Variants in ARHGAP25 observed in about 807,000 individuals in gnomAD.
The protein encoded by ARHGAP25 is rho GTPase-activating protein 25.
A neutral mutation model predicts 71.0 loss-of-function variants in ARHGAP25; 34 were observed. That is an observed-to-expected ratio of 0.48 (90% CI 0.36 to 0.64). The LOEUF (loss-of-function observed/expected upper bound fraction) is 0.64. Ranked by LOEUF, ARHGAP25 falls within the 30% of genes least tolerant of loss-of-function variation. The probability of loss-of-function intolerance (pLI) is 0.00; values close to 1 mark genes in which losing one functional copy is unlikely to be tolerated. For synonymous variants in ARHGAP25, 282 were observed against 296.5 expected, an observed-to-expected ratio of 0.95 and a Z score of 0.50; for missense variants, 706 against 805.1, an observed-to-expected ratio of 0.88 and a Z score of 1.49.
Position 68,734,970 on chromosome 2 carries a change from T to A in ARHGAP25, c.-230T>A, listed in dbSNP as rs1347915157. On this transcript the variant is annotated 5_prime_UTR_variant, in exon 1 of 11. Transcript: ENST00000409202. Reference sequence around the variant, plus strand: ...CCCCTGTGGGACTGAGGGTGGAGGCTGGGGGAGTTTGGGTGCCATCCTCCA... The same window carrying A: ...CCCCTGTGGGACTGAGGGTGGAGGCAGGGGGAGTTTGGGTGCCATCCTCCA... The A allele has an allele frequency of 5.0e-6, 3 of 594,794 alleles. No homozygotes were observed. Among genetic ancestry groups the A allele is most frequent in the Non-Finnish European group, 9.0e-6 (3 of 334,494 alleles). The allele number at this position is 594,794 out of a possible 1,614,324, so 36.8% of individuals were successfully genotyped here.
rs1676556442 is a variant in ARHGAP25, at chr2:68,757,518, T to C, written c.62-17703T>C. ...TGGTCTGATATATTTAAAGTGCTAT[T>C]TTTTTCAGCTGTCAACTAGAAATTT... On this transcript the variant is annotated intron_variant, in intron 1 of 10. Transcript: ENST00000409202. 4 of 152,140 alleles carry C rather than the reference T, an allele frequency of 2.6e-5. No individual in the cohort carries two copies. In the South Asian group the frequency reaches 8.3e-4, roughly 32 times the overall value. 9.4% of individuals were successfully genotyped at this position (152,140 alleles called of 1,614,324 possible).
In ARHGAP25 at chr2:68,794,310, G is replaced by A. The variant is rs1679390919; in HGVS notation, c.466+6354G>A. 2.6e-5 allele frequency among the ~76,000 whole-genome samples: 4 copies of A among 152,090 alleles called. No homozygotes were observed. In the South Asian group the frequency reaches 8.3e-4, roughly 32 times the overall value. On this transcript the variant is annotated intron_variant, in intron 4 of 10. Transcript: ENST00000409202. ...GGTAGGACTTCCAGTACTCTATTGA[G>A]TAGGAATGGTGAAAGTTGGCATCCC...
chr2:68,825,966 C>A (rs990493438), intron 10 of ARHGAP25, 21 bp from the exon 11 acceptor site: 11 of 1,593,216 alleles, frequency 6.9e-6, no homozygotes, highest in African/African-American at 1.4e-5. Flanking sequence ...TTCTTTCATT[C>A]TTTTCTTTCC....
At chr2:68,806,219 C>T (rs960388477) in intron 4 of ARHGAP25, among the ~76,000 whole-genome samples, 13 of 152,314 alleles carry the variant, frequency 8.5e-5, no homozygotes, top group African/African-American at 2.4e-4. Context: ...AAGAATGAAA[C>T]GCTTTTGTTC....
At chr2:68,803,075 T>C (rs935892293) in intron 4 of ARHGAP25, among the ~76,000 whole-genome samples, 1 of 152,100 alleles carries the variant, frequency 6.6e-6, no homozygotes, top group Non-Finnish European at 1.5e-5. Flanking sequence ...TTATAGGTGA[T>C]ATCTAAATGT....
intron 1 of ARHGAP25, among the ~76,000 whole-genome samples, chr2:68,741,688 G>T (rs1016329461): frequency 9.2e-5 from 14 of 152,188 alleles, no homozygotes; most frequent in Admixed American, 6.5e-5. Context: ...TTATATGCAT[G>T]AGCCACCACA....
chr2:68,763,271 T>C (rs747847284), intron 1 of ARHGAP25, among the ~76,000 whole-genome samples: 7 of 152,248 alleles, frequency 4.6e-5, no homozygotes, highest in Non-Finnish European at 1.0e-4. Context: ...CTCTCAATTA[T>C]ATGACACAGT....
chr2:68,735,530 A>G (rs1675170595), intron 1 of ARHGAP25: 1 of 543,050 alleles, frequency 1.8e-6, no homozygotes, highest in Non-Finnish European at 3.3e-6. Context: ...TACAGACTAC[A>G]CACAAAACTG....
intron 2 of ARHGAP25, among the ~76,000 whole-genome samples, chr2:68,716,771 A>G (rs529165051): frequency 5.3e-5 from 8 of 152,208 alleles, no homozygotes; most frequent in Admixed American, 1.3e-4. Flanking sequence ...AGGCGTCCTT[A>G]TTCTACTGTA....
chr2:68,807,767 G>C (rs1184587470), intron 5 of ARHGAP25, among the ~76,000 whole-genome samples: 1 of 152,222 alleles, frequency 6.6e-6, no homozygotes, highest in African/African-American at 2.4e-5. Context: ...GTGATGTGCA[G>C]AGGAGGGGAG....
At chr2:68,821,206 G>A (rs1355444498) in intron 9 of ARHGAP25, among the ~76,000 whole-genome samples, 1 of 145,384 alleles carries the variant, frequency 6.9e-6, no homozygotes, top group Non-Finnish European at 1.5e-5. Context: ...GCAATCCTTC[G>A]GCCTCGGCCT....
chr2:68,761,639 A>G (rs1306067941), intron 1 of ARHGAP25, among the ~76,000 whole-genome samples: 2 of 152,168 alleles, frequency 1.3e-5, no homozygotes, highest in African/African-American at 4.8e-5. Flanking sequence ...TGATGCTATC[A>G]ATATTAGTAA....
At chr2:68,801,058 A>G (rs185824550) in intron 4 of ARHGAP25, among the ~76,000 whole-genome samples, 81 of 151,946 alleles carry the variant, frequency 5.3e-4, no homozygotes, top group Non-Finnish European at 1.2e-4. Flanking sequence ...CTGATTCCAA[A>G]CTCCTCATGT....
At chr2:68,791,475 C>T (rs1468602000) in intron 4 of ARHGAP25, among the ~76,000 whole-genome samples, 1 of 151,666 alleles carries the variant, frequency 6.6e-6, no homozygotes, top group African/African-American at 2.4e-5. Context: ...GGGTTGTGTC[C>T]TCTATAATTA....
chr2:68,816,456 G>A, intron 7 of ARHGAP25, 94 bp downstream of exon 7: 1 of 1,011,764 alleles, frequency 9.9e-7, no homozygotes. Flanking sequence ...TGAACAGAGA[G>A]ATTCTGGTCT....
Position 68,723,123 on chromosome 2 carries a change from G to A in ARHGAP25, c.-18+12425G>A, listed in dbSNP as rs187302404. On this transcript the variant is annotated intron_variant and NMD_transcript_variant, in intron 2 of 7. Coordinates refer to the ARHGAP25 transcript ENST00000463483. Reference sequence around the variant, plus strand: ...GTGTAGAATATCCAGCAAATTCCACGATGCTGGGTGTGGTCATGGGAGGCA... The same window carrying A: ...GTGTAGAATATCCAGCAAATTCCACAATGCTGGGTGTGGTCATGGGAGGCA... Among the ~76,000 whole-genome samples the A allele has an allele frequency of 4.5e-4, 69 of 152,256 alleles. No homozygotes were observed. In the South Asian group the frequency reaches 4.8e-3, roughly 11 times the overall value.
At chr2:68,754,699 G>A (rs892864485) in intron 1 of ARHGAP25, among the ~76,000 whole-genome samples, 7 of 152,144 alleles carry the variant, frequency 4.6e-5, no homozygotes, top group African/African-American at 1.2e-4. Flanking sequence ...TGTTCCTACT[G>A]GCCATGTATA....
intron 1 of ARHGAP25, among the ~76,000 whole-genome samples, chr2:68,738,037 A>C (rs34762983): frequency 0.063 from 9,564 of 152,260 alleles, 343 homozygotes; most frequent in Admixed American, 0.091. Flanking sequence ...GAACTTCCTG[A>C]ATCTGACCTA....
intron 10 of ARHGAP25, among the ~76,000 whole-genome samples, chr2:68,824,686 G>A (rs1573654174): frequency 6.6e-6 from 1 of 152,202 alleles, no homozygotes; most frequent in East Asian, 1.9e-4. Context: ...AGCTTGCAGT[G>A]AGCCGAGATC....
Sources: allele counts gnomAD v4.1 joint callset (sites outside exome capture counted in the v4.1 genomes callset), GRCh38; gene constraint gnomAD v4.1.1; transcripts MANE v1.5; gene names NCBI Gene and HGNC (gene_info 2026-07-23, HGNC 2026-07-21).